STXBP6: variants seen among roughly 807,000 people sequenced by gnomAD.
STXBP6 encodes syntaxin-binding protein 6.
STXBP6 carries 21 observed loss-of-function variants against 26.9 expected under a neutral mutation model. The observed-to-expected ratio is 0.78, with a 90% CI of 0.55 to 1.12. The LOEUF is 1.12. Ranked by LOEUF, STXBP6 falls within the 50% of genes most tolerant of loss-of-function variation. The pLI, the probability that STXBP6 is intolerant of heterozygous loss-of-function variation, is 0.00. For missense variants in STXBP6, 232 were observed against 257.9 expected, an observed-to-expected ratio of 0.90 and a Z score of 0.69; for synonymous variants, 97 against 92.6, an observed-to-expected ratio of 1.05 and a Z score of -0.27.
At chr14:25,008,592 T>C (rs2140366612) in intron 1 of STXBP6, among the ~76,000 whole-genome samples, 1 of 152,364 alleles carries the variant, frequency 6.6e-6, no homozygotes, top group East Asian at 1.9e-4. Context: ...GATAGAACTT[T>C]AAAATTCATG....
intron 2 of STXBP6, among the ~76,000 whole-genome samples, chr14:24,923,849 C>A (rs2072068612): frequency 6.6e-6 from 1 of 152,114 alleles, no homozygotes; most frequent in Non-Finnish European, 1.5e-5. Context: ...CAAATATCTT[C>A]TCCTTGCACA....
chr14:24,825,695 A>G (rs1379233419), intron 4 of STXBP6, among the ~76,000 whole-genome samples: 1 of 152,166 alleles, frequency 6.6e-6, no homozygotes, highest in African/African-American at 2.4e-5. Flanking sequence ...AAAAAGCCCA[A>G]TGCTCCCTCC....
intron 2 of STXBP6, among the ~76,000 whole-genome samples, chr14:24,910,353 A>T (rs533433301): frequency 5.3e-5 from 8 of 152,298 alleles, no homozygotes; most frequent in Non-Finnish European, 1.2e-4. Flanking sequence ...TTGGATTACA[A>T]ATTTCATTAA....
intron 1 of STXBP6, among the ~76,000 whole-genome samples, chr14:25,009,779 A>G (rs2074990001): frequency 6.6e-6 from 1 of 152,296 alleles, no homozygotes; most frequent in East Asian, 1.9e-4. Flanking sequence ...CAAATACCAC[A>G]AACATTATAT....
chr14:24,846,998 T>C (rs2068986682), intron 4 of STXBP6, among the ~76,000 whole-genome samples: 2 of 152,202 alleles, frequency 1.3e-5, no homozygotes, highest in Non-Finnish European at 1.5e-5. Context: ...TTCTAACCTC[T>C]ATTCCAGGTA....
chr14:24,881,447 G>A (rs922070640), intron 2 of STXBP6, among the ~76,000 whole-genome samples: 16 of 152,316 alleles, frequency 1.1e-4, no homozygotes, highest in African/African-American at 3.6e-4. Context: ...CATTTAAACT[G>A]TATAGTGGGA....
At chr14:24,851,882 A>G (rs2069169111) in intron 4 of STXBP6, among the ~76,000 whole-genome samples, 3 of 152,142 alleles carry the variant, frequency 2.0e-5, no homozygotes, top group Admixed American at 2.0e-4. Flanking sequence ...CAGTTTTCCC[A>G]ATGACAGGGT....
At chr14:24,839,267 G>C (rs2068717222) in intron 4 of STXBP6, among the ~76,000 whole-genome samples, 1 of 152,118 alleles carries the variant, frequency 6.6e-6, no homozygotes, top group African/African-American at 2.4e-5. Flanking sequence ...CGGAGAGAAA[G>C]GAATGGAATT....
chr14:24,974,525 A>G lies in STXBP6; in HGVS notation c.154+140T>C, dbSNP rs571374985. The G allele has an allele frequency of 9.1e-6, 6 of 661,374 alleles. 1 individual carries two copies. In the South Asian group the frequency reaches 2.1e-4, roughly 23 times the overall value. The allele number at this position is 661,374 out of a possible 1,614,324, so 41.0% of individuals were successfully genotyped here. On this transcript the variant is annotated intron_variant, in intron 2 of 5. Coordinates refer to ENST00000323944, the MANE Select transcript of STXBP6 (RefSeq NM_001394410.1). ...AAACAAGGTGTCACCAGTAAAGAGG[A>G]AGACCAGAAAAACGGGGAAAAGGAG...
rs1285089041 is a variant in STXBP6, at chr14:24,810,521, G to C, written c.*2188C>G. ...CATTAGAGGGGGCTAATAAAGATTC[G>C]GATGGGCTTTCTTCTAATTCAGGCT... On this transcript the variant is annotated 3_prime_UTR_variant, in exon 6 of 6. Transcript: ENST00000323944. 1 of 152,164 alleles carries C rather than the reference G, an allele frequency of 6.6e-6. No homozygotes were observed. The highest frequency in any genetic ancestry group is 6.5e-5 in the Admixed American group (1 of 15,282). 9.4% of individuals were successfully genotyped at this position (152,164 alleles called of 1,614,324 possible). A position where few individuals can be genotyped will look rare whatever the true frequency, so the allele number is the denominator to read the frequency against.
chr14:24,897,410 AAAAAAAAAAAAAAAAAAG>A (rs2071034361), intron 2 of STXBP6, among the ~76,000 whole-genome samples: 1 of 88,266 alleles, frequency 1.1e-5, no homozygotes, highest in African/African-American at 5.1e-5. Context: ...ACTCTGTCTC[AAAAAAAAAAAAAAAAAAG>A]GAAAAAAAAA....
chr14:24,921,175 AGG>A (rs2071964442), intron 2 of STXBP6, among the ~76,000 whole-genome samples: 1 of 152,198 alleles, frequency 6.6e-6, no homozygotes, highest in Non-Finnish European at 1.5e-5. Flanking sequence ...GGGATGTGTC[AGG>A]ATTCAAGGAA....
intron 2 of STXBP6, among the ~76,000 whole-genome samples, chr14:24,878,065 T>C (rs2070212283): frequency 6.6e-6 from 1 of 152,162 alleles, no homozygotes; most frequent in African/African-American, 2.4e-5. Context: ...ATTTTTCTAT[T>C]GTGTTGACCA....
chr14:24,816,384 G>T (rs2067976264), intron 5 of STXBP6: 1 of 152,082 alleles, frequency 6.6e-6, no homozygotes, highest in Non-Finnish European at 1.5e-5. Context: ...TGGTCCCTGG[G>T]AAAATAGCCA....
intron 2 of STXBP6, among the ~76,000 whole-genome samples, chr14:24,931,134 A>AC (rs780776601): frequency 8.5e-6 from 1 of 117,976 alleles, no homozygotes; most frequent in African/African-American, 3.4e-5. Flanking sequence ...AAAAAAAAAA[A>AC]AAAAAAAACC....
intron 1 of STXBP6, among the ~76,000 whole-genome samples, chr14:24,986,785 C>A (rs917715197): frequency 6.6e-6 from 1 of 152,202 alleles, no homozygotes; most frequent in Non-Finnish European, 1.5e-5. Context: ...TTTACAGGTT[C>A]ACTTAAGCTA....
At chr14:24,974,881 G>A (rs145235014) in intron 1 of STXBP6, 31 bp from the exon 2 acceptor site, 463 of 1,451,822 alleles carry the variant, frequency 3.2e-4, no homozygotes, top group Non-Finnish European at 3.1e-4. Flanking sequence ...AGGAAAGTTG[G>A]AATTGACAAC....
At chr14:24,862,599 T>C (rs1338278978) in intron 2 of STXBP6, among the ~76,000 whole-genome samples, 1 of 152,170 alleles carries the variant, frequency 6.6e-6, no homozygotes, top group Non-Finnish European at 1.5e-5. Flanking sequence ...CACTAGTTCC[T>C]AGGTATCCAA....
intron 2 of STXBP6, among the ~76,000 whole-genome samples, chr14:24,925,332 GT>G (rs1405167657): frequency 2.0e-5 from 3 of 152,162 alleles, no homozygotes; most frequent in African/African-American, 7.2e-5. Context: ...TGAACACAAA[GT>G]TGCTAGGATC....
Sources: gnomAD v4.1 joint callset for allele counts (sites outside exome capture counted in the v4.1 genomes callset) on GRCh38, gnomAD v4.1.1 for gene constraint, MANE v1.5 for transcripts, NCBI Gene and HGNC (gene_info 2026-07-23, HGNC 2026-07-21) for gene names.